THBS2: variants seen among roughly 807,000 people sequenced by gnomAD.
The protein encoded by THBS2 is thrombospondin-2.
THBS2 carries 47 observed loss-of-function variants against 135.2 expected under a neutral mutation model. The observed-to-expected ratio is 0.35, with a 90% confidence interval of 0.28 to 0.44. The LOEUF is 0.44. Ranked by LOEUF, THBS2 falls within the 20% of genes least tolerant of loss-of-function variation. The pLI, the probability that THBS2 is intolerant of heterozygous loss-of-function variation, is 1.00. For missense variants in THBS2, 1,288 were observed against 1,603.1 expected (o/e 0.80, Z 3.36); for synonymous variants, 639 against 633.8 (o/e 1.01, Z -0.12).
Position 169,237,808 on chromosome 6 carries a change from G to A in THBS2, c.1130-13C>T, listed in dbSNP as rs747561339. The A allele has an allele frequency of 3.7e-5, 60 of 1,605,976 alleles. No individual in the cohort carries two copies. The highest frequency in any genetic ancestry group is 5.1e-5 in the Non-Finnish European group (60 of 1,178,172). On this transcript the variant is annotated splice_polypyrimidine_tract_variant and intron_variant, in intron 7 of 21. Transcript: ENST00000617924. ...TCACCGTCCACCGCTGCCAGAGGAA[G>A]CAAACACGGTGGCATCAGGCCCTGC...
At chr6:169,218,476 TG>T (rs369652335) in intron 21 of THBS2, among the ~76,000 whole-genome samples, 1 of 55,358 alleles carries the variant, frequency 1.8e-5, no homozygotes, top group African/African-American at 7.4e-5. Context: ...GATAGATGAG[TG>T]GGGGTGGATG....
At position 169,217,839 on chromosome 6, in the gene THBS2, GAA is replaced by G. The variant is rs58423957; in HGVS notation, c.3512-12_3512-11del. On this transcript the variant is annotated splice_polypyrimidine_tract_variant and intron_variant, in intron 21 of 21. Coordinates refer to ENST00000617924, the MANE Select transcript of THBS2 (RefSeq NM_003247.5). ...AATCTTGTTTAAATATCTACAAAAA[GAA>G]AAAAAAAAGCAATAAACAATTAGCA... 3.2e-5 allele frequency: 50 copies of G among 1,568,428 alleles called. No homozygotes were observed. The Admixed American group carries it at 4.0e-4, about 13-fold the overall frequency.
At chr6:169,246,910 T>C (rs939498611) in intron 3 of THBS2, among the ~76,000 whole-genome samples, 9 of 152,218 alleles carry the variant, frequency 5.9e-5, no homozygotes, top group Non-Finnish European at 2.9e-5. Flanking sequence ...CCATACACCA[T>C]TGTGATTCTA....
chr6:169,250,031 G>GAA (rs57472232), intron 2 of THBS2, among the ~76,000 whole-genome samples: 2 of 137,812 alleles, frequency 1.5e-5, no homozygotes. Context: ...CTCCGTCCCA[G>GAA]AAAAAAAAAA....
intron 3 of THBS2, among the ~76,000 whole-genome samples, chr6:169,248,068 GGT>G (rs1562365457): frequency 2.6e-5 from 4 of 151,706 alleles, no homozygotes; most frequent in Non-Finnish European, 5.9e-5. Context: ...TGTGTTGCGT[GGT>G]GTGTGTACAT....
rs886648956 is a variant in THBS2 at position 169,252,395 on chromosome 6, G to A, written c.-23+1329C>T. ...CCCCACCTCATCAGCCCACACTGCCGGGTACGTCGCAGTCCCCTAAGGACA... is the reference window on the plus strand; with the variant it reads ...CCCCACCTCATCAGCCCACACTGCCAGGTACGTCGCAGTCCCCTAAGGACA... On this transcript the variant is annotated intron_variant, in intron 1 of 21. Coordinates refer to ENST00000617924, the MANE Select transcript of THBS2 (RefSeq NM_003247.5). The surrounding 1 kb of genome is among the most constrained non-coding windows in gnomAD (Gnocchi z 4.3). Among the ~76,000 whole-genome samples, 9 of 152,292 alleles carry A rather than the reference G, an allele frequency of 5.9e-5. No individual in the cohort carries two copies. The East Asian group carries it at 1.4e-3, about 23-fold the overall frequency.
Position 169,252,384 on chromosome 6 carries a change from C to T in THBS2, c.-23+1340G>A, listed in dbSNP as rs1008055976. Reference sequence around the variant, plus strand: ...TCTTCCCACCTCCCCACCTCATCAGCCCACACTGCCGGGTACGTCGCAGTC... The same window carrying T: ...TCTTCCCACCTCCCCACCTCATCAGTCCACACTGCCGGGTACGTCGCAGTC... On this transcript the variant is annotated intron_variant, in intron 1 of 21. Transcript: ENST00000617924. The surrounding 1 kb of genome is among the most constrained non-coding windows in gnomAD (Gnocchi z 4.3). Among the ~76,000 whole-genome samples the T allele has an allele frequency of 3.3e-5, 5 of 152,174 alleles. No individual in the cohort carries two copies. The highest frequency in any genetic ancestry group is 1.2e-4 in the African/African-American group (5 of 41,438).
At chr6:169,240,028 C>T (rs1257206832) in intron 6 of THBS2, among the ~76,000 whole-genome samples, 1 of 152,138 alleles carries the variant, frequency 6.6e-6, no homozygotes, top group Non-Finnish European at 1.5e-5. Context: ...ATGCTGAGGC[C>T]ATTGTCAGCA....
At chr6:169,231,829 G>A (rs541119575) in intron 13 of THBS2, 151 bp downstream of exon 13, 60 of 830,280 alleles carry the variant, frequency 7.2e-5, no homozygotes, top group Non-Finnish European at 1.1e-4. Context: ...CCAGGGGGAT[G>A]CATTCAACCT....
At chr6:169,239,567 G>C in intron 7 of THBS2, 32 bp downstream of exon 7, 1 of 1,543,448 alleles carries the variant, frequency 6.5e-7, no homozygotes, top group Non-Finnish European at 8.8e-7. Context: ...TCCTAAAAAT[G>C]CAGGATGCGC....
At chr6:169,233,757 C>T (rs2114998414) in intron 10 of THBS2, among the ~76,000 whole-genome samples, 1 of 150,258 alleles carries the variant, frequency 6.7e-6, no homozygotes, top group Admixed American at 6.6e-5. Context: ...ACACAACTAC[C>T]TACACACCAT....
intron 9 of THBS2, 117 bp from the exon 10 acceptor site, chr6:169,235,024 A>C: frequency 1.9e-6 from 2 of 1,056,244 alleles, no homozygotes; most frequent in Non-Finnish European, 1.3e-6. Context: ...AGCCCCACAA[A>C]CTGGTTTCTC....
intron 9 of THBS2, among the ~76,000 whole-genome samples, chr6:169,236,036 T>C (rs1583413510): frequency 2.2e-5 from 1 of 44,532 alleles, no homozygotes; most frequent in Non-Finnish European, 4.0e-5. Context: ...CCATCCACAC[T>C]CCCTCCCCAT....
chr6:169,225,483 G>T, intron 16 of THBS2, 104 bp from the exon 17 acceptor site: 2 of 1,210,946 alleles, frequency 1.7e-6, no homozygotes, highest in Non-Finnish European at 2.3e-6. Context: ...TCGTCCTGCA[G>T]CACAAGCCCC....
At chr6:169,243,022 TTCCCACCTTCCCACCGC>T (rs1780406829) in intron 4 of THBS2, among the ~76,000 whole-genome samples, 1 of 90,754 alleles carries the variant, frequency 1.1e-5, no homozygotes, top group Non-Finnish European at 2.1e-5. Context: ...CATTCCCACC[TTCCCACCTTCCCACCGC>T]TCCCACCTTC....
intron 4 of THBS2, among the ~76,000 whole-genome samples, chr6:169,244,434 T>C (rs76683806): frequency 0.016 from 2,437 of 151,616 alleles, 40 homozygotes; most frequent in East Asian, 0.078. Flanking sequence ...CAACATGCCA[T>C]GGACAACCTT....
Position 169,240,502 on chromosome 6 carries a change from C to T in THBS2, c.982G>A (p.Ala328Thr), listed in dbSNP as rs768106184. Residue 328 changes from alanine to threonine, a missense_variant, in exon 6 of 22, where the codon GCG (alanine) becomes ACG (threonine). Transcript: ENST00000617924. The part of the protein sequence containing the change: ...SACWQDGRFF[A>T]ENETWVVDSC... ...TCCACCACCCACGTTTCATTTTCCG[C>T]AAAGAACCGGCCATCCTGCCAGCAA... 1 of 1,613,946 alleles carries T rather than the reference C, an allele frequency of 6.2e-7. No individual in the cohort carries two copies. Among genetic ancestry groups the T allele is most frequent in the South Asian group, 1.1e-5 (1 of 91,084 alleles).
intron 4 of THBS2, among the ~76,000 whole-genome samples, chr6:169,242,847 CTG>C (rs1191921459): frequency 1.2e-4 from 5 of 42,612 alleles, no homozygotes; most frequent in Non-Finnish European, 1.6e-4. Context: ...CACCTTCCCA[CTG>C]CTCCCACCTT....
intron 14 of THBS2, 81 bp from the exon 15 acceptor site, chr6:169,228,362 C>G: frequency 6.7e-7 from 1 of 1,498,294 alleles, no homozygotes; most frequent in Non-Finnish European, 9.0e-7. Flanking sequence ...AAGTTATGTA[C>G]TCAAGGTTGA....
Sources: gnomAD v4.1 joint callset for allele counts (sites outside exome capture counted in the v4.1 genomes callset) on GRCh38, gnomAD v4.1.1 for gene constraint, Gnocchi (gnomAD v3.1) non-coding constraint, MANE v1.5 for transcripts, NCBI Gene and HGNC (gene_info 2026-07-23, HGNC 2026-07-21) for gene names.